Variants in CPEB3 observed in about 807,000 individuals in gnomAD.
The protein encoded by CPEB3 is cytoplasmic polyadenylation element binding protein 3, also known as cytoplasmic polyadenylation element-binding protein 3.
A neutral mutation model predicts 67.2 loss-of-function variants in CPEB3; 20 were observed. That is an observed-to-expected ratio of 0.30 (90% CI 0.21 to 0.43). CPEB3 has a LOEUF of 0.43. Among genes scored for constraint, CPEB3 ranks in the 20% least tolerant of loss-of-function variants. CPEB3 has a pLI of 1.00. For missense variants in CPEB3, 746 were observed against 968.6 expected (o/e 0.77, Z 3.05); for synonymous variants, 376 against 393.1 (o/e 0.96, Z 0.51).
intron 4 of CPEB3, among the ~76,000 whole-genome samples, chr10:92,172,153 A>G (rs549167989): frequency 2.0e-4 from 31 of 152,284 alleles, no homozygotes; most frequent in Middle Eastern, 3.4e-3. Flanking sequence ...TAAAAATAAA[A>G]TAAAAAATAA....
At chr10:92,149,944 C>T (rs1846880710) in intron 4 of CPEB3, among the ~76,000 whole-genome samples, 3 of 152,196 alleles carry the variant, frequency 2.0e-5, no homozygotes, top group Admixed American at 2.0e-4. Flanking sequence ...GAAGTATATG[C>T]AGCCCTGGGA....
At chr10:92,286,215 G>A (rs377207957) in intron 1 of CPEB3, among the ~76,000 whole-genome samples, 4 of 151,950 alleles carry the variant, frequency 2.6e-5, no homozygotes, top group Non-Finnish European at 4.4e-5. Flanking sequence ...GATTACAGGC[G>A]TGAGCTACCA....
intron 9 of CPEB3, among the ~76,000 whole-genome samples, chr10:92,073,391 T>C (rs892666533): frequency 6.6e-6 from 1 of 151,952 alleles, no homozygotes; most frequent in Non-Finnish European, 1.5e-5. Flanking sequence ...CAGTGACTCA[T>C]GCCTATAATC....
chr10:92,257,370 C>G (rs774286610), intron 1 of CPEB3, among the ~76,000 whole-genome samples: 3 of 152,194 alleles, frequency 2.0e-5, no homozygotes, highest in Non-Finnish European at 4.4e-5. Context: ...TCAGAGCTCA[C>G]TGCAGCCTCA....
intron 2 of CPEB3, among the ~76,000 whole-genome samples, chr10:92,224,205 G>A (rs2134474487): frequency 6.6e-6 from 1 of 152,246 alleles, no homozygotes; most frequent in South Asian, 2.1e-4. Context: ...CCTGATTGTT[G>A]CTTAAATCTG....
At chr10:92,058,480 T>C (rs1331251381) in intron 9 of CPEB3, among the ~76,000 whole-genome samples, 1 of 151,706 alleles carries the variant, frequency 6.6e-6, no homozygotes, top group African/African-American at 2.4e-5. Flanking sequence ...ACCCCAGAGG[T>C]GGAGGTTGCA....
At chr10:92,105,819 A>G (rs965590791) in intron 7 of CPEB3, among the ~76,000 whole-genome samples, 20 of 149,574 alleles carry the variant, frequency 1.3e-4, no homozygotes, top group Non-Finnish European at 2.2e-4. Flanking sequence ...TCCCGGGTTC[A>G]AGCAATTCTG....
At chr10:92,126,161 T>C (rs1373359477) in intron 6 of CPEB3, among the ~76,000 whole-genome samples, 1 of 152,168 alleles carries the variant, frequency 6.6e-6, no homozygotes, top group Non-Finnish European at 1.5e-5. Context: ...ATATGAAAAC[T>C]ATACAAACTG....
intron 6 of CPEB3, among the ~76,000 whole-genome samples, chr10:92,134,660 C>A (rs1846003065): frequency 6.6e-6 from 1 of 151,922 alleles, no homozygotes; most frequent in Admixed American, 6.6e-5. Flanking sequence ...TTGGAAAAAA[C>A]TACTTTAAAG....
At chr10:92,082,421 G>A (rs1161222952) in intron 8 of CPEB3, among the ~76,000 whole-genome samples, 3 of 152,150 alleles carry the variant, frequency 2.0e-5, no homozygotes, top group Admixed American at 1.3e-4. Flanking sequence ...TGGGATTACA[G>A]GCATGCACCA....
intron 6 of CPEB3, among the ~76,000 whole-genome samples, chr10:92,121,361 A>ATC (rs1491104558): frequency 1.4e-5 from 2 of 145,908 alleles, no homozygotes. Flanking sequence ...ATATATATAT[A>ATC]AAATATATTT....
intron 1 of CPEB3, chr10:92,272,281 T>C (rs1853341139): frequency 6.6e-6 from 1 of 152,184 alleles, no homozygotes; most frequent in African/African-American, 2.4e-5. Flanking sequence ...TATTCTATTC[T>C]ATCTCATCAT....
chr10:92,214,088 A>G (rs989919692), intron 2 of CPEB3, among the ~76,000 whole-genome samples: 1 of 152,168 alleles, frequency 6.6e-6, no homozygotes, highest in East Asian at 1.9e-4. Flanking sequence ...CCCACCTGCT[A>G]TGGACTGAAT....
Position 92,071,460 on chromosome 10 carries a change from G to A in CPEB3, c.1869+9860C>T, listed in dbSNP as rs141594342. On this transcript the variant is annotated intron_variant, in intron 9 of 9. Transcript: ENST00000265997. ...AATTTTCTCATGACTGTCCGGGAGC[G>A]GTGGCTCACACCTGTAATCCCAGCA... Among the ~76,000 whole-genome samples the A allele has an allele frequency of 1.2e-3, 177 of 151,964 alleles. 1 individual carries two copies. The highest frequency in any genetic ancestry group is 6.2e-3 in the East Asian group (32 of 5,172).
At chr10:92,139,454 T>A (rs1188595365) in intron 6 of CPEB3, among the ~76,000 whole-genome samples, 1 of 150,094 alleles carries the variant, frequency 6.7e-6, no homozygotes, top group African/African-American at 2.5e-5. Context: ...CATTGTCTCA[T>A]GCATTTGTGA....
At chr10:92,242,393 C>T (rs949666445) in intron 1 of CPEB3, among the ~76,000 whole-genome samples, 2 of 152,122 alleles carry the variant, frequency 1.3e-5, no homozygotes, top group Non-Finnish European at 2.9e-5. Context: ...TTGCAAAATA[C>T]AATACAAAGA....
chr10:92,208,583 C>CA (rs1849906331), intron 2 of CPEB3, among the ~76,000 whole-genome samples: 1 of 144,410 alleles, frequency 6.9e-6, no homozygotes, highest in Non-Finnish European at 1.5e-5. Flanking sequence ...TCTGAAAGCC[C>CA]TTTTTTTTTT....
At chr10:92,198,121 A>T (rs976873477) in intron 2 of CPEB3, among the ~76,000 whole-genome samples, 6 of 152,224 alleles carry the variant, frequency 3.9e-5, no homozygotes, top group African/African-American at 1.4e-4. Context: ...AAATAAAAAT[A>T]AAATAAAAAT....
intron 1 of CPEB3, among the ~76,000 whole-genome samples, chr10:92,244,526 C>T (rs1851980350): frequency 6.6e-6 from 1 of 151,490 alleles, no homozygotes; most frequent in Admixed American, 6.6e-5. Flanking sequence ...CAACCTCTGC[C>T]TCCTGGGTTC....
Sources: gnomAD v4.1 joint callset for allele counts (sites outside exome capture counted in the v4.1 genomes callset) on GRCh38, gnomAD v4.1.1 for gene constraint, MANE v1.5 for transcripts, NCBI Gene and HGNC (gene_info 2026-07-23, HGNC 2026-07-21) for gene names.